Variants in INPP5J observed in about 807,000 individuals in gnomAD.
INPP5J encodes the protein inositol polyphosphate-5-phosphatase J, also known as phosphatidylinositol 4,5-bisphosphate 5-phosphatase A.
A neutral mutation model predicts 86.6 loss-of-function variants in INPP5J; 75 were observed. The observed-to-expected ratio is 0.87, with a 90% CI of 0.72 to 1.05. INPP5J has a LOEUF of 1.05. Among genes scored for constraint, INPP5J ranks in the 50% least tolerant of loss-of-function variants. The probability of loss-of-function intolerance (pLI) is 0.00; values close to 1 mark genes in which losing one functional copy is unlikely to be tolerated. For synonymous variants in INPP5J, 540 were observed against 550.0 expected, an observed-to-expected ratio of 0.98 and a Z score of 0.25; for missense variants, 1,229 against 1,341.2, an observed-to-expected ratio of 0.92 and a Z score of 1.31.
Position 31,124,888 on chromosome 22 carries a change from T to C in INPP5J, c.149T>C (p.Leu50Pro), listed in dbSNP as rs1426659700. The C allele has an allele frequency of 6.2e-7, 1 of 1,613,868 alleles. No individual in the cohort carries two copies. Among genetic ancestry groups the C allele is most frequent in the Admixed American group, 1.7e-5 (1 of 60,018 alleles). The part of the protein sequence containing the change: ...FQLPAKKNAA[L>P]GPSEPRLALA... Reference sequence around the variant, plus strand: ...CTCCCAGCAAAGAAGAACGCAGCCCTAGGACCCTCGGAACCAAGGTTGGCT... The same window carrying C: ...CTCCCAGCAAAGAAGAACGCAGCCCCAGGACCCTCGGAACCAAGGTTGGCT... The change falls in exon 2 of 13, where the codon CTA becomes CCA. Residue 50 changes from leucine (L) to proline (P), a missense_variant. Physicochemically the swap from Leu to Pro is moderately conservative, Grantham distance 98 (BLOSUM62 -3). Transcript: ENST00000331075.
At chr22:31,127,859 C>A in intron 6 of INPP5J, 92 bp from the exon 7 acceptor site, 1 of 790,064 alleles carries the variant, frequency 1.3e-6, no homozygotes, top group African/African-American at 1.7e-5. Flanking sequence ...GTTGGATGGG[C>A]TGGAAGGATC....
In INPP5J at chr22:31,123,079, C is replaced by A; in HGVS notation, c.65C>A (p.Pro22His). 2 of 1,485,466 alleles carry A rather than the reference C, an allele frequency of 1.3e-6. No homozygotes were observed. Among genetic ancestry groups the A allele is most frequent in the African/African-American group, 1.5e-5 (1 of 68,198 alleles). The allele number at this position is 1,485,466 out of a possible 1,614,324, so 92.0% of individuals were successfully genotyped here. A position where few individuals can be genotyped will look rare whatever the true frequency, so the allele number is the denominator to read the frequency against. ...PGTRAGLGSL[P>H]MPQGVAQTGA... ...ACCCGGGCTGGCCTGGGTTCCCTGCCCATGCCCCAGGGTGTTGCCCAAACT... is the reference window on the plus strand; with the variant it reads ...ACCCGGGCTGGCCTGGGTTCCCTGCACATGCCCCAGGGTGTTGCCCAAACT... Residue 22 changes from proline to histidine, a missense_variant, in exon 1 of 13, where the codon CCC becomes CAC. Transcript: ENST00000331075.
At chr22:31,130,584 A>G (rs1001493412) in intron 9 of INPP5J, among the ~76,000 whole-genome samples, 3 of 152,178 alleles carry the variant, frequency 2.0e-5, no homozygotes, top group Non-Finnish European at 4.4e-5. Flanking sequence ...CAAAGAAAAG[A>G]TATAAAAATT....
intron 7 of INPP5J, 61 bp downstream of exon 7, chr22:31,128,123 C>A: frequency 1.4e-6 from 2 of 1,461,864 alleles, no homozygotes; most frequent in Non-Finnish European, 1.9e-6. Flanking sequence ...GTACCTTAGA[C>A]TATGGTCCCT....
chr22:31,132,387 G>T (rs1432740709), intron 9 of INPP5J, among the ~76,000 whole-genome samples: 1 of 152,166 alleles, frequency 6.6e-6, no homozygotes, highest in Non-Finnish European at 1.5e-5. Flanking sequence ...AAATTTATGG[G>T]ATGCTTTGCA....
chr22:31,126,524 C>T, intron 3 of INPP5J, 35 bp downstream of exon 3: 4 of 1,603,818 alleles, frequency 2.5e-6, no homozygotes, highest in Non-Finnish European at 3.4e-6. Context: ...CCCTCCTGAG[C>T]CCCTCGGGCC....
intron 6 of INPP5J, chr22:31,127,735 G>T (rs1038522139): frequency 7.4e-6 from 5 of 673,862 alleles, no homozygotes; most frequent in African/African-American, 1.8e-5. Context: ...GAGGGGCCCC[G>T]CCTTGCTGAA....
Position 31,125,194 on chromosome 22 carries a change from C to A in INPP5J, c.455C>A (p.Pro152Gln). The A allele has an allele frequency of 6.4e-7, 1 of 1,550,532 alleles. No homozygotes were observed. Among genetic ancestry groups the A allele is most frequent in the Non-Finnish European group, 8.7e-7 (1 of 1,146,974 alleles). The change falls in exon 2 of 13, where the codon CCA (proline) becomes CAA (glutamine). Residue 152 changes from proline to glutamine, a missense_variant. Pro to Gln is a moderately conservative substitution (Grantham distance 76). Transcript: ENST00000331075. Reference sequence around the variant, plus strand: ...GCCTCAGCAGGGCCAAGATCTCCCCCAGTCACCCTGGGGCCCAATCTGGCC... The same window carrying A: ...GCCTCAGCAGGGCCAAGATCTCCCCAAGTCACCCTGGGGCCCAATCTGGCC... Reference protein sequence around the residue: ...MPASAGPRSPPVTLGPNLAPT... With the variant: ...MPASAGPRSPQVTLGPNLAPT...
intron 12 of INPP5J, 63 bp from the exon 13 acceptor site, chr22:31,133,850 G>C: frequency 1.3e-6 from 2 of 1,599,632 alleles, no homozygotes; most frequent in Admixed American, 3.4e-5. Flanking sequence ...CAGACCTCGG[G>C]AGGTCAGGCC....
intron 9 of INPP5J, among the ~76,000 whole-genome samples, chr22:31,132,891 T>C (rs1922181408): frequency 1.3e-5 from 2 of 152,174 alleles, no homozygotes; most frequent in South Asian, 4.1e-4. Flanking sequence ...ACTCACTCCC[T>C]AAGGAGGCTG....
Position 31,134,192 on chromosome 22 carries a change from A to G in INPP5J, c.2794A>G (p.Ser932Gly). The change falls in exon 13 of 13, where the codon AGC (serine) becomes GGC (glycine). Residue 932 changes from serine to glycine, a missense_variant. By Grantham distance (56) the Ser-to-Gly change is moderately conservative (BLOSUM62 0). Transcript: ENST00000331075. ...GGCTCCTGACAGGAGCAGTAATGGC[A>G]GCAGCCGGGGCAGTAGTGAAGAGGG... is the stretch of plus-strand genomic sequence containing the variant. ...RVAPDRSSNG[S>G]SRGSSEEGPS... The G allele has an allele frequency of 6.5e-7, 1 of 1,549,944 alleles. No individual in the cohort carries two copies. The highest frequency in any genetic ancestry group is 1.2e-5 in the South Asian group (1 of 83,968).
rs755253884 is a variant in INPP5J, at chr22:31,123,001, C to T, written c.-14C>T. 34 of 1,425,550 alleles carry T rather than the reference C, an allele frequency of 2.4e-5. No individual in the cohort carries two copies. Among genetic ancestry groups the T allele is most frequent in the Admixed American group, 1.8e-4 (5 of 28,228 alleles). The allele number at this position is 1,425,550 out of a possible 1,614,324, so 88.3% of individuals were successfully genotyped here. ...CCGGAGCCAAGGGAGTCCAGGCTGC[C>T]GGGGGCTGCAGACATGGAGGGCCAG... is the stretch of plus-strand genomic sequence containing the variant. On this transcript the variant is annotated 5_prime_UTR_variant, in exon 1 of 13. Coordinates refer to ENST00000331075, the MANE Select transcript of INPP5J (RefSeq NM_001284285.2).
At chr22:31,132,408 C>T (rs1922134433) in intron 9 of INPP5J, among the ~76,000 whole-genome samples, 1 of 152,128 alleles carries the variant, frequency 6.6e-6, no homozygotes, top group African/African-American at 2.4e-5. Flanking sequence ...AATGGTGTCT[C>T]ACTGAATCTG....
upstream of INPP5J, chr22:31,122,737 G>A: frequency 7.3e-6 from 3 of 408,848 alleles, no homozygotes; most frequent in Non-Finnish European, 1.3e-5. Flanking sequence ...AAAGGTGAAG[G>A]TAGACAGACA....
chr22:31,133,588 C>A, intron 11 of INPP5J, 22 bp from the exon 12 acceptor site: 1 of 1,602,430 alleles, frequency 6.2e-7, no homozygotes, highest in Non-Finnish European at 8.5e-7. Flanking sequence ...CCAACTTAGG[C>A]TTATACCCCT....
At chr22:31,132,017 G>T (rs1445510413) in intron 9 of INPP5J, among the ~76,000 whole-genome samples, 1 of 152,246 alleles carries the variant, frequency 6.6e-6, no homozygotes, top group African/African-American at 2.4e-5. Flanking sequence ...CACCTCAGCA[G>T]CTCCACCCAT....
chr22:31,126,901 C>A lies in INPP5J; in HGVS notation c.1495-20C>A. 2 of 1,577,332 alleles carry A rather than the reference C, an allele frequency of 1.3e-6. No homozygotes were observed. The highest frequency in any genetic ancestry group is 1.7e-6 in the Non-Finnish European group (2 of 1,151,742). On this transcript the variant is annotated intron_variant, in intron 4 of 12. Coordinates refer to ENST00000331075, the MANE Select transcript of INPP5J (RefSeq NM_001284285.2). ...GGGGAGTTGTGTTCTGTCCCCCAGCCACGTGGCCTCCCGCTGCAGGTGAGT... is the reference window on the plus strand; with the variant it reads ...GGGGAGTTGTGTTCTGTCCCCCAGCAACGTGGCCTCCCGCTGCAGGTGAGT...
rs1921267772 is a variant in INPP5J at position 31,125,327 on chromosome 22, A to G, written c.588A>G (p.Pro196=). The part of the protein sequence containing the change: ...SLALASEEQP[P]ELPSTPSPVP... ...CCCTGGCTTCTGAGGAGCAGCCCCC[A>G]GAACTCCCCTCCACCCCTTCCCCGG... The change falls in exon 2 of 13, where the codon CCA becomes CCG. Residue 196 remains proline (P), a synonymous_variant. Coordinates refer to ENST00000331075, the MANE Select transcript of INPP5J (RefSeq NM_001284285.2). The G allele has an allele frequency of 2.6e-6, 4 of 1,550,248 alleles. No homozygotes were observed. Among genetic ancestry groups the G allele is most frequent in the Non-Finnish European group, 3.5e-6 (4 of 1,146,888 alleles).
In INPP5J at chr22:31,127,735, G is replaced by GC. The variant is rs898369842; in HGVS notation, c.1787+205dup. 7.1e-5 allele frequency: 48 copies of GC among 673,862 alleles called. 1 individual carries two copies. The Admixed American group carries it at 8.1e-4, about 11-fold the overall frequency. The allele number at this position is 673,862 out of a possible 1,614,324, so 41.7% of individuals were successfully genotyped here. A position where few individuals can be genotyped will look rare whatever the true frequency, so the allele number is the denominator to read the frequency against. On this transcript the variant is annotated intron_variant, in intron 6 of 12. Transcript: ENST00000331075. ...GGGTGGAGCTTTGCTGAGGGGCCCC[G>GC]CCTTGCTGAAGGTCAGAACCTAATT...
Sources: allele counts gnomAD v4.1 joint callset (sites outside exome capture counted in the v4.1 genomes callset), GRCh38; gene constraint gnomAD v4.1.1; transcripts MANE v1.5; gene names NCBI Gene and HGNC (gene_info 2026-07-23, HGNC 2026-07-21).